Variants in WWOX observed in about 807,000 individuals in gnomAD.
WWOX encodes WW domain containing oxidoreductase.
WWOX carries 69 observed loss-of-function variants against 46.2 expected under a neutral mutation model. The ratio of observed to expected loss-of-function variants is 1.49; its 90% confidence interval spans 1.23 to 1.82. WWOX has a LOEUF of 1.82. Ranked by LOEUF, WWOX falls within the 40% of genes most tolerant of loss-of-function variation. WWOX has a pLI of 0.00. For missense variants in WWOX, 919 were observed against 542.6 expected, an observed-to-expected ratio of 1.69 and a Z score of -6.89; for synonymous variants, 359 against 202.6, an observed-to-expected ratio of 1.77 and a Z score of -6.56.
chr16:78,832,269 G>C (rs1382812871), intron 8 of WWOX, among the ~76,000 whole-genome samples: 1 of 152,150 alleles, frequency 6.6e-6, no homozygotes, highest in African/African-American at 2.4e-5. Flanking sequence ...TCTCTGTACA[G>C]CTTCAGGAGC....
intron 5 of WWOX, among the ~76,000 whole-genome samples, chr16:78,200,730 A>G (rs374968401): frequency 6.6e-6 from 1 of 152,074 alleles, no homozygotes; most frequent in African/African-American, 2.4e-5. Flanking sequence ...GTTTATAGAA[A>G]GTGTCACCAA....
chr16:78,402,294 A>G (rs998811484), intron 6 of WWOX, among the ~76,000 whole-genome samples: 1 of 152,130 alleles, frequency 6.6e-6, no homozygotes, highest in East Asian at 1.9e-4. Context: ...CATTTATGTT[A>G]TTGCAAAAAT....
intron 8 of WWOX, chr16:79,205,288 G>A (rs764600146): frequency 2.6e-5 from 4 of 152,200 alleles, no homozygotes; most frequent in Non-Finnish European, 4.4e-5. Flanking sequence ...TCAAGCCCCT[G>A]TCATAGACAC....
At chr16:78,732,893 C>T (rs996786136) in intron 8 of WWOX, among the ~76,000 whole-genome samples, 7 of 152,118 alleles carry the variant, frequency 4.6e-5, no homozygotes, top group South Asian at 2.1e-4. Context: ...TGAGAATAAG[C>T]GCTGTGTTTC....
chr16:79,070,917 A>C (rs554826146), intron 8 of WWOX, among the ~76,000 whole-genome samples: 2 of 152,320 alleles, frequency 1.3e-5, no homozygotes, highest in Admixed American at 6.5e-5. Flanking sequence ...CACTCAGCAC[A>C]GAACATTTTG....
At chr16:78,184,898 C>T (rs2151757296) in intron 5 of WWOX, among the ~76,000 whole-genome samples, 1 of 152,308 alleles carries the variant, frequency 6.6e-6, no homozygotes, top group East Asian at 1.9e-4. Context: ...ATCTCTGGGG[C>T]TTGAAACAAC....
At chr16:78,467,083 A>T (rs551205375) in intron 8 of WWOX, among the ~76,000 whole-genome samples, 1 of 152,326 alleles carries the variant, frequency 6.6e-6, no homozygotes, top group South Asian at 2.1e-4. Context: ...TGTTATTAAT[A>T]ATGTATACAT....
chr16:78,599,025 A>G (rs1249680181), intron 8 of WWOX, among the ~76,000 whole-genome samples: 1 of 152,152 alleles, frequency 6.6e-6, no homozygotes, highest in African/African-American at 2.4e-5. Context: ...TGGACCCCTA[A>G]GTTTGAACAA....
intron 8 of WWOX, among the ~76,000 whole-genome samples, chr16:78,593,233 A>G (rs1447758403): frequency 2.6e-5 from 4 of 150,948 alleles, no homozygotes; most frequent in African/African-American, 7.3e-5. Flanking sequence ...TATAGATGGG[A>G]TTTCATTATA....
At chr16:78,873,097 C>T (rs945567257) in intron 8 of WWOX, 1 of 152,198 alleles carries the variant, frequency 6.6e-6, no homozygotes, top group East Asian at 1.9e-4. Context: ...ACACCCAGCC[C>T]AGAGGCCTTC....
At chr16:78,586,377 C>T (rs1417109766) in intron 8 of WWOX, among the ~76,000 whole-genome samples, 1 of 152,120 alleles carries the variant, frequency 6.6e-6, no homozygotes, top group Admixed American at 6.6e-5. Context: ...CTCTCCATGT[C>T]TCAGTTTCCT....
chr16:78,328,842 C>CTTTTG (rs1567504289), intron 5 of WWOX, among the ~76,000 whole-genome samples: 1 of 150,410 alleles, frequency 6.6e-6, no homozygotes, highest in Non-Finnish European at 1.5e-5. Context: ...TTTTTCTTTT[C>CTTTTG]TTTTGTTTTC....
At chr16:78,398,113 C>A (rs777149946) in intron 6 of WWOX, among the ~76,000 whole-genome samples, 2 of 152,194 alleles carry the variant, frequency 1.3e-5, no homozygotes, top group African/African-American at 4.8e-5. Flanking sequence ...ACCAAGGGGT[C>A]GTTTTGCTAT....
At chr16:78,484,005 C>T (rs2084565038) in intron 8 of WWOX, among the ~76,000 whole-genome samples, 2 of 152,118 alleles carry the variant, frequency 1.3e-5, no homozygotes, top group Non-Finnish European at 2.9e-5. Flanking sequence ...ACTTTTTAGA[C>T]ATAATTTTTG....
intron 8 of WWOX, among the ~76,000 whole-genome samples, chr16:79,060,914 C>G (rs922579409): frequency 6.6e-6 from 1 of 152,148 alleles, no homozygotes; most frequent in Non-Finnish European, 1.5e-5. Context: ...TCCATCCACC[C>G]AAAAGCACTA....
intron 5 of WWOX, among the ~76,000 whole-genome samples, chr16:78,294,162 C>T (rs2079905435): frequency 6.6e-6 from 1 of 152,128 alleles, no homozygotes; most frequent in South Asian, 2.1e-4. Context: ...GTCTGGGTTG[C>T]TCAGATAGAG....
At chr16:79,026,738 G>C (rs2550704) in intron 8 of WWOX, among the ~76,000 whole-genome samples, 49,609 of 146,740 alleles carry the variant, frequency 0.34, 8,754 homozygotes, top group South Asian at 0.39. Flanking sequence ...CTGCCTCAGC[G>C]TCCCAAGTAG....
chr16:78,896,325 C>G (rs546539527), intron 8 of WWOX: 1 of 151,958 alleles, frequency 6.6e-6, no homozygotes, highest in East Asian at 1.9e-4. Context: ...GAATGACTGG[C>G]TTCCCAAAAC....
chr16:78,818,258 C>T (rs1227955448), intron 8 of WWOX, among the ~76,000 whole-genome samples: 1 of 152,214 alleles, frequency 6.6e-6, no homozygotes, highest in Non-Finnish European at 1.5e-5. Flanking sequence ...CTGGGCTGCA[C>T]ATCAGAGCCC....
Sources: allele counts gnomAD v4.1 joint callset (sites outside exome capture counted in the v4.1 genomes callset), GRCh38; gene constraint gnomAD v4.1.1; transcripts MANE v1.5; gene names NCBI Gene and HGNC (gene_info 2026-07-23, HGNC 2026-07-21).